Variants in CCDC57 observed in about 807,000 individuals in gnomAD.
CCDC57 encodes coiled-coil domain containing 57.
In CCDC57, 118 loss-of-function variants were observed where a neutral mutation model predicts 118.9. That is an observed-to-expected ratio of 0.99 (90% CI 0.86 to 1.16). The LOEUF is 1.16. CCDC57 is among the 50% of genes most tolerant of loss of function. The probability of loss-of-function intolerance (pLI) is 0.00; values close to 1 mark genes in which losing one functional copy is unlikely to be tolerated. For missense variants in CCDC57, 1,300 were observed against 1,320.7 expected, an observed-to-expected ratio of 0.98 and a Z score of 0.24; for synonymous variants, 527 against 532.9, an observed-to-expected ratio of 0.99 and a Z score of 0.15.
intron 15 of CCDC57, 101 bp from the exon 15 acceptor site, chr17:82,151,874 T>A (rs2042107719): frequency 2.1e-6 from 2 of 971,802 alleles, no homozygotes; most frequent in African/African-American, 1.6e-5. Flanking sequence ...TCTTCCAGGG[T>A]GGGCACTGCT....
chr17:82,128,395 G>T, intron 18 of CCDC57, 98 bp downstream of exon 17: 3 of 772,294 alleles, frequency 3.9e-6, no homozygotes, highest in Non-Finnish European at 4.2e-6. Context: ...GGCATGCAGA[G>T]CGAAGGCCCC....
intron 13 of CCDC57, among the ~76,000 whole-genome samples, chr17:82,171,483 A>G (rs1339915282): frequency 2.3e-5 from 3 of 129,352 alleles, no homozygotes; most frequent in Admixed American, 7.6e-5. Context: ...GAGGGAGCAC[A>G]AGGAATTCCA....
At chr17:82,141,060 G>A (rs577638951) in intron 16 of CCDC57, among the ~76,000 whole-genome samples, 24 of 151,914 alleles carry the variant, frequency 1.6e-4, no homozygotes, top group Admixed American at 5.9e-4. Context: ...ACCCAGGCTG[G>A]AGTGCAGTGG....
chr17:82,157,347 C>A lies in CCDC57; in HGVS notation c.2241+401G>T, dbSNP rs954056107. ...GGGCCCCTCCCCACGCAGGGAGGGC[C>A]CAACGCTAGGCATGGGGCAGGCATG... On this transcript the variant is annotated intron_variant, in intron 15 of 19. Coordinates refer to ENST00000665763, the Ensembl canonical transcript of CCDC57. 1.2e-5 allele frequency: 9 copies of A among 766,700 alleles called. No homozygotes were observed. In the Admixed American group the frequency reaches 4.4e-4, roughly 37 times the overall value. 47.5% of individuals were successfully genotyped at this position (766,700 alleles called of 1,614,324 possible).
intron 1 of CCDC57, among the ~76,000 whole-genome samples, chr17:82,209,775 C>A (rs930427689): frequency 6.6e-6 from 1 of 152,200 alleles, no homozygotes; most frequent in Admixed American, 6.5e-5. Flanking sequence ...GCGTGAGCCA[C>A]TGTACCCAGC....
chr17:82,200,755 T>C (rs964062062), intron 3 of CCDC57, among the ~76,000 whole-genome samples: 1 of 151,882 alleles, frequency 6.6e-6, no homozygotes. Flanking sequence ...ATCACGCTAC[T>C]GCGATCCAGC....
chr17:82,127,176 G>A (rs895710279), intron 19 of CCDC57: 12 of 985,344 alleles, frequency 1.2e-5, no homozygotes, highest in East Asian at 1.1e-4. Context: ...GGCAACGTCC[G>A]CGCAGCAAAG....
exon 18 of CCDC57, chr17:82,128,551 T>C: frequency 6.4e-7 from 1 of 1,574,440 alleles, no homozygotes; most frequent in South Asian, 1.2e-5. Flanking sequence ...GGGCTGGTGC[T>C]TTCCCAAGTG....
At chr17:82,145,824 T>C in intron 16 of CCDC57, 1 of 464,846 alleles carries the variant, frequency 2.2e-6, no homozygotes, top group Non-Finnish European at 4.5e-6. Context: ...TGAAGCTCCT[T>C]ATCTCAGAGG....
chr17:82,107,115 A>G (rs746142000), intron 19 of CCDC57, among the ~76,000 whole-genome samples: 1 of 152,096 alleles, frequency 6.6e-6, no homozygotes. Context: ...CCAGCCACAC[A>G]CTTATCAGCT....
intron 16 of CCDC57, among the ~76,000 whole-genome samples, chr17:82,144,305 C>A (rs373183680): frequency 2.2e-4 from 33 of 151,952 alleles, no homozygotes; most frequent in Admixed American, 9.2e-4. Context: ...GAGACCCCAT[C>A]TCTTTTAAAA....
intron 19 of CCDC57, among the ~76,000 whole-genome samples, chr17:82,103,058 C>T (rs1280726074): frequency 6.6e-6 from 1 of 152,218 alleles, no homozygotes; most frequent in Non-Finnish European, 1.5e-5. Flanking sequence ...CCAACGCCTC[C>T]TGCTGGAGCC....
intron 16 of CCDC57, among the ~76,000 whole-genome samples, chr17:82,137,066 G>A (rs2039306720): frequency 7.5e-6 from 1 of 133,934 alleles, no homozygotes; most frequent in Non-Finnish European, 1.6e-5. Context: ...CAGGCTGGAT[G>A]GAGTGCAGTG....
At chr17:82,134,452 T>A (rs1254505964) in intron 16 of CCDC57, 1 of 340,524 alleles carries the variant, frequency 2.9e-6, no homozygotes, top group Non-Finnish European at 5.3e-6. Context: ...GCAAGCACAT[T>A]CGCTAACAGA....
Position 82,172,138 on chromosome 17 carries a change from G to T in CCDC57, c.1730-285C>A, listed in dbSNP as rs973645417. Among the ~76,000 whole-genome samples the T allele has an allele frequency of 6.6e-6, 1 of 152,188 alleles. No individual in the cohort carries two copies. Among genetic ancestry groups the T allele is most frequent in the Non-Finnish European group, 1.5e-5 (1 of 68,042 alleles). ...ATCAGGAGCAAATGCTCCACCTGCC[G>T]CCAGCCCACGTGCCTCTGTGCAGAG... On this transcript the variant is annotated intron_variant, in intron 12 of 19. Coordinates refer to ENST00000665763, the Ensembl canonical transcript of CCDC57. This position sits in a 1 kb window ranked among gnomAD's most constrained non-coding sequence, Gnocchi z 5.2.
intron 18 of CCDC57, 131 bp from the exon 18 acceptor site, chr17:82,128,039 C>T (rs2037729641): frequency 7.5e-7 from 1 of 1,325,564 alleles, no homozygotes; most frequent in Admixed American, 2.9e-5. Flanking sequence ...GCAGATGCTC[C>T]CAGGATCACC....
chr17:82,125,031 AGGAAGACGGAGTGGGACGCGGCTGCGT>A (rs1170920096), intron 19 of CCDC57, among the ~76,000 whole-genome samples: 2 of 152,218 alleles, frequency 1.3e-5, no homozygotes, highest in Non-Finnish European at 2.9e-5. Flanking sequence ...TGGGAGGGTC[AGGAAGACGGAGTGGGACGCGGCTGCGT>A]GGAAGACAGA....
At chr17:82,147,569 G>C (rs2040935245) in intron 16 of CCDC57, among the ~76,000 whole-genome samples, 1 of 135,964 alleles carries the variant, frequency 7.4e-6, no homozygotes, top group Non-Finnish European at 1.6e-5. Context: ...GGGTGGGTGG[G>C]TGTACGAATG....
intron 16 of CCDC57, among the ~76,000 whole-genome samples, chr17:82,134,846 T>C (rs2038929479): frequency 6.6e-6 from 1 of 152,110 alleles, no homozygotes; most frequent in South Asian, 2.1e-4. Flanking sequence ...TTAAAAATGA[T>C]GGTTCTACTC....
Sources: gnomAD v4.1 joint callset for allele counts (sites outside exome capture counted in the v4.1 genomes callset) on GRCh38, gnomAD v4.1.1 for gene constraint, Gnocchi (gnomAD v3.1) non-coding constraint, MANE v1.5 for transcripts, NCBI Gene and HGNC (gene_info 2026-07-23, HGNC 2026-07-21) for gene names.